VPS41: variants seen among roughly 807,000 people sequenced by gnomAD.
The protein encoded by VPS41 is vacuolar protein sorting-associated protein 41 homolog.
Under a neutral mutation model 130.9 loss-of-function variants are expected in VPS41, and 85 were observed. The ratio of observed to expected loss-of-function variants is 0.65; its 90% CI spans 0.55 to 0.78. The LOEUF (loss-of-function observed/expected upper bound fraction) is 0.78, where lower values mean the gene tolerates loss of function less well. Ranked by LOEUF, VPS41 falls within the 30% of genes least tolerant of loss-of-function variation. The pLI is 0.00. For synonymous variants in VPS41, 335 were observed against 332.9 expected (o/e 1.01, Z -0.07); for missense variants, 874 against 1,018.7 (o/e 0.86, Z 1.93).
intron 4 of VPS41, among the ~76,000 whole-genome samples, chr7:38,839,786 T>C (rs1334276174): frequency 6.6e-6 from 1 of 152,196 alleles, no homozygotes; most frequent in Non-Finnish European, 1.5e-5. Context: ...AACTCTCCAA[T>C]CTTTTCAGTT....
At chr7:38,741,834 T>G in intron 25 of VPS41, 151 bp downstream of exon 25, 6 of 847,340 alleles carry the variant, frequency 7.1e-6, no homozygotes, top group Non-Finnish European at 1.1e-5. Context: ...AATTACTCTA[T>G]TTGAACAGTT....
chr7:38,733,297 GTTC>G (rs1222524045), intron 25 of VPS41, among the ~76,000 whole-genome samples: 6 of 152,126 alleles, frequency 3.9e-5, no homozygotes, highest in African/African-American at 1.4e-4. Flanking sequence ...AAATTGTACA[GTTC>G]TTCTGAGTTT....
At chr7:38,857,437 T>C (rs1414659272) in intron 4 of VPS41, among the ~76,000 whole-genome samples, 3 of 152,230 alleles carry the variant, frequency 2.0e-5, no homozygotes, top group Non-Finnish European at 4.4e-5. Flanking sequence ...AGCAAGTTGT[T>C]TGCTCTCTCA....
intron 4 of VPS41, among the ~76,000 whole-genome samples, chr7:38,840,351 C>G (rs910943762): frequency 6.6e-6 from 1 of 152,088 alleles, no homozygotes; most frequent in Non-Finnish European, 1.5e-5. Flanking sequence ...TCCTTCCCAC[C>G]AAAAAATAGG....
intron 4 of VPS41, among the ~76,000 whole-genome samples, chr7:38,842,302 C>T (rs1421686728): frequency 6.6e-6 from 1 of 152,164 alleles, no homozygotes; most frequent in Non-Finnish European, 1.5e-5. Context: ...ACAAGCCCCA[C>T]AAGCACATCC....
intron 1 of VPS41, among the ~76,000 whole-genome samples, chr7:38,907,180 C>T (rs932252154): frequency 6.6e-6 from 1 of 151,652 alleles, no homozygotes; most frequent in African/African-American, 2.4e-5. Context: ...CAGGGAAGGT[C>T]GCAATGAAAA....
At position 38,797,911 on chromosome 7, in the gene VPS41, A is replaced by G. The variant is rs187700956; in HGVS notation, c.451-1047T>C. On this transcript the variant is annotated intron_variant, in intron 7 of 28. Transcript: ENST00000310301. ...ATGATGTCCATCATCACAAGTAAGC[A>G]AAGTACAGTTACTTTAAAATGCTAC... Among the ~76,000 whole-genome samples, 6 of 152,354 alleles carry G rather than the reference A, an allele frequency of 3.9e-5. No homozygotes were observed. In the East Asian group the frequency reaches 1.2e-3, roughly 29 times the overall value.
At chr7:38,769,172 C>T (rs1162612076) in intron 14 of VPS41, among the ~76,000 whole-genome samples, 5 of 152,126 alleles carry the variant, frequency 3.3e-5, no homozygotes, top group Admixed American at 1.3e-4. Context: ...GCATTTAATT[C>T]TCTTTACCCT....
chr7:38,864,945 T>G (rs925263490), intron 3 of VPS41, among the ~76,000 whole-genome samples: 1 of 152,064 alleles, frequency 6.6e-6, no homozygotes, highest in Admixed American at 6.5e-5. Context: ...CTTAAGTAAC[T>G]GATAAATGTA....
intron 25 of VPS41, among the ~76,000 whole-genome samples, chr7:38,738,067 C>A (rs1399304374): frequency 6.6e-6 from 1 of 152,152 alleles, no homozygotes; most frequent in Non-Finnish European, 1.5e-5. Flanking sequence ...TACAACTTTC[C>A]TTAAGGGTTA....
At chr7:38,879,362 C>T (rs1172533352) in intron 2 of VPS41, among the ~76,000 whole-genome samples, 2 of 152,200 alleles carry the variant, frequency 1.3e-5, no homozygotes, top group Admixed American at 6.5e-5. Context: ...TTCTCCCTTC[C>T]TCCTAACAAG....
At chr7:38,738,297 T>A (rs555757718) in intron 25 of VPS41, among the ~76,000 whole-genome samples, 1 of 152,312 alleles carries the variant, frequency 6.6e-6, no homozygotes, top group East Asian at 1.9e-4. Flanking sequence ...GGCATGAGAT[T>A]TAGTCAGAGG....
intron 19 of VPS41, among the ~76,000 whole-genome samples, chr7:38,756,519 G>A (rs939312865): frequency 4.1e-4 from 62 of 152,182 alleles, no homozygotes; most frequent in African/African-American, 1.4e-3. Context: ...ATGAGTCAAA[G>A]TATATACGTG....
chr7:38,809,840 A>G (rs1012220994), intron 7 of VPS41, among the ~76,000 whole-genome samples: 1 of 152,220 alleles, frequency 6.6e-6, no homozygotes, highest in African/African-American at 2.4e-5. Flanking sequence ...AGAACCAGTT[A>G]TTATAAAGTG....
In VPS41 at chr7:38,827,320, T is replaced by C. The variant is rs78148404; in HGVS notation, c.321+2934A>G. On this transcript the variant is annotated intron_variant, in intron 5 of 28. Transcript: ENST00000310301. ...GGAACTCTCCCTGACTACACAGAAA[T>C]AAAAGGCTAAAAATGAGAAAGCAAA... is the stretch of plus-strand genomic sequence containing the variant. Among the ~76,000 whole-genome samples, 118 of 151,940 alleles carry C rather than the reference T, an allele frequency of 7.8e-4. 1 individual carries two copies. In the East Asian group the frequency reaches 0.02, roughly 26 times the overall value.
intron 2 of VPS41, among the ~76,000 whole-genome samples, chr7:38,873,890 A>G (rs1156794157): frequency 6.6e-6 from 1 of 152,226 alleles, no homozygotes; most frequent in Non-Finnish European, 1.5e-5. Context: ...TTTAAGGATA[A>G]CAAATCAAAG....
At chr7:38,775,052 T>C (rs1784231903) in intron 11 of VPS41, 1 of 152,096 alleles carries the variant, frequency 6.6e-6, no homozygotes, top group African/African-American at 2.4e-5. Flanking sequence ...TGTGAAAACA[T>C]GCATGTACGT....
At chr7:38,822,353 A>G (rs777405360) in intron 5 of VPS41, among the ~76,000 whole-genome samples, 3 of 152,206 alleles carry the variant, frequency 2.0e-5, no homozygotes, top group Non-Finnish European at 4.4e-5. Context: ...ACACCCTCCA[A>G]CTAATCACTA....
At chr7:38,905,069 T>C (rs1787227880) in intron 1 of VPS41, among the ~76,000 whole-genome samples, 1 of 152,188 alleles carries the variant, frequency 6.6e-6, no homozygotes, top group South Asian at 2.1e-4. Flanking sequence ...ACGCAAATCC[T>C]ACTAATATAC....
Sources: gnomAD v4.1 joint callset for allele counts (sites outside exome capture counted in the v4.1 genomes callset) on GRCh38, gnomAD v4.1.1 for gene constraint, MANE v1.5 for transcripts, NCBI Gene and HGNC (gene_info 2026-07-23, HGNC 2026-07-21) for gene names.